HEATR1: variants seen among roughly 807,000 people sequenced by gnomAD.
The protein encoded by HEATR1 is HEAT repeat-containing protein 1.
A neutral mutation model predicts 248.2 loss-of-function variants in HEATR1; 77 were observed. That is an observed-to-expected ratio of 0.31 (90% CI 0.26 to 0.37). The LOEUF is 0.37. Among genes scored for constraint, HEATR1 ranks in the 10% least tolerant of loss-of-function variants. HEATR1 has a pLI of 1.00. For synonymous variants in HEATR1, 897 were observed against 923.1 expected, an observed-to-expected ratio of 0.97 and a Z score of 0.51; for missense variants, 2,420 against 2,504.9, an observed-to-expected ratio of 0.97 and a Z score of 0.72.
At chr1:236,574,363 T>A (rs1393562735) in intron 23 of HEATR1, 30 bp from the exon 24 acceptor site, 1 of 1,586,876 alleles carries the variant, frequency 6.3e-7, no homozygotes, top group Non-Finnish European at 8.5e-7. Context: ...GGCAACTGAG[T>A]TCAGTGAACA....
chr1:236,593,424 C>CCA (rs1664092960), intron 9 of HEATR1, among the ~76,000 whole-genome samples: 1 of 151,890 alleles, frequency 6.6e-6, no homozygotes, highest in Non-Finnish European at 1.5e-5. Flanking sequence ...ATGATGCACA[C>CCA]CAACACACAG....
At chr1:236,572,893 G>T (rs1376227824) in intron 24 of HEATR1, 65 bp from the exon 25 acceptor site, 4 of 1,368,444 alleles carry the variant, frequency 2.9e-6, no homozygotes, top group Non-Finnish European at 4.2e-6. Context: ...AGCAATAAAT[G>T]TTAACCCCTA....
intron 8 of HEATR1, 148 bp from the exon 9 acceptor site, chr1:236,594,262 CTTAT>C (rs552388953): frequency 3.6e-4 from 194 of 537,456 alleles, no homozygotes; most frequent in African/African-American, 2.3e-3. Context: ...GTGCATTCCA[CTTAT>C]TTAGTCATTT....
chr1:236,557,221 G>A lies in HEATR1; in HGVS notation c.5329C>T (p.Pro1777Ser). Residue 1777 changes from proline to serine, a missense_variant, in exon 37 of 45, where the codon CCC (proline) becomes TCC (serine). Transcript: ENST00000366582. ...TGGGAGAGAATGCCTTCCAGATAGG[G>A]GCTGATGAAGTGCGGGAGAGTCTCC... The part of the protein sequence containing the change: ...VVETLPHFIS[P>S]YLEGILSQVI... 1 of 1,614,108 alleles carries A rather than the reference G, an allele frequency of 6.2e-7. No homozygotes were observed. The highest frequency in any genetic ancestry group is 1.1e-5 in the South Asian group (1 of 91,068).
Position 236,553,673 on chromosome 1 carries a change from T to C in HEATR1, c.6145A>G (p.Ile2049Val). 8 of 1,614,050 alleles carry C rather than the reference T, an allele frequency of 5.0e-6. No individual in the cohort carries two copies. Among genetic ancestry groups the C allele is most frequent in the South Asian group, 1.1e-5 (1 of 91,034 alleles). Residue 2049 changes from isoleucine (I) to valine (V), a missense_variant, in exon 43 of 45, where the codon ATC (isoleucine) becomes GTC (valine). Ile to Val is a conservative substitution (Grantham distance 29). Transcript: ENST00000366582. ...ERVTKHLIPC[I>V]AQFSVAMADD... Reference sequence around the variant, plus strand: ...GCCATGGCCACCGAAAACTGTGCGATGCATGGTATCAGGTGCTTTGTCACC... The same window carrying C: ...GCCATGGCCACCGAAAACTGTGCGACGCATGGTATCAGGTGCTTTGTCACC...
rs548612594 is a variant in HEATR1 at position 236,580,437 on chromosome 1, T to C, written c.2755+785A>G. Among the ~76,000 whole-genome samples, 3 of 152,302 alleles carry C rather than the reference T, an allele frequency of 2.0e-5. No homozygotes were observed. The East Asian group carries it at 5.8e-4, about 29-fold the overall frequency. ...CCTGCCATTTCTATTATTAAACTTT[T>C]GTGTTTGGTGAGATTTTGCTAGTGC... On this transcript the variant is annotated intron_variant, in intron 20 of 44. Transcript: ENST00000366582.
intron 30 of HEATR1, 69 bp downstream of exon 30, chr1:236,566,577 A>G: frequency 1.7e-6 from 2 of 1,149,188 alleles, no homozygotes; most frequent in Non-Finnish European, 2.6e-6. Context: ...CCATGTTTAA[A>G]CTGGACAATA....
At chr1:236,556,303 G>A (rs757560159) in intron 37 of HEATR1, 45 bp from the exon 38 acceptor site, 12 of 1,592,748 alleles carry the variant, frequency 7.5e-6, no homozygotes, top group Admixed American at 1.7e-5. Flanking sequence ...GCAGATCTTC[G>A]CTGACAAACA....
In HEATR1 at chr1:236,552,122, A is replaced by T; in HGVS notation, c.6238-15T>A. ...GCAAATCGAACCTGAAAGGGATAAAAGAGCAAAGAAATAAAAAGTAGTGTT... is the reference window on the plus strand; with the variant it reads ...GCAAATCGAACCTGAAAGGGATAAATGAGCAAAGAAATAAAAAGTAGTGTT... On this transcript the variant is annotated splice_polypyrimidine_tract_variant and intron_variant, in intron 43 of 44. Transcript: ENST00000366582. The T allele has an allele frequency of 6.5e-7, 1 of 1,528,416 alleles. No homozygotes were observed. The allele number at this position is 1,528,416 out of a possible 1,614,324, so 94.7% of individuals were successfully genotyped here.
chr1:236,573,676 T>C (rs1663490281), intron 24 of HEATR1, among the ~76,000 whole-genome samples: 1 of 152,118 alleles, frequency 6.6e-6, no homozygotes, highest in South Asian at 2.1e-4. Flanking sequence ...GGAAAAAAGA[T>C]TAATATGTTA....
rs533309261 is a variant in HEATR1, at chr1:236,556,705, C to T, written c.5356-447G>A. ...CCTAACCTTGTAAATGGCAAATGATCAACACAATGGAACAGCCAGGTCTCA... is the reference window on the plus strand; with the variant it reads ...CCTAACCTTGTAAATGGCAAATGATTAACACAATGGAACAGCCAGGTCTCA... On this transcript the variant is annotated intron_variant, in intron 37 of 44. Transcript: ENST00000366582. 2.6e-5 allele frequency among the ~76,000 whole-genome samples: 4 copies of T among 152,282 alleles called. No individual in the cohort carries two copies. The South Asian group carries it at 8.3e-4, about 32-fold the overall frequency.
intron 24 of HEATR1, among the ~76,000 whole-genome samples, chr1:236,573,619 A>G (rs1233913893): frequency 6.6e-6 from 1 of 152,168 alleles, no homozygotes; most frequent in Non-Finnish European, 1.5e-5. Flanking sequence ...ATGAAAGTGC[A>G]TGACATTATG....
At chr1:236,583,334 G>C (rs1663803895) in intron 17 of HEATR1, 138 bp from the exon 18 acceptor site, 1 of 655,010 alleles carries the variant, frequency 1.5e-6, no homozygotes, top group African/African-American at 1.8e-5. Context: ...AACTGCTTTG[G>C]TCGGATTTTT....
chr1:236,560,169 G>T (rs934616985), intron 33 of HEATR1, among the ~76,000 whole-genome samples: 2 of 152,078 alleles, frequency 1.3e-5, no homozygotes, highest in African/African-American at 4.8e-5. Context: ...CAAGTGGGGT[G>T]TTCAGGGAGT....
intron 44 of HEATR1, chr1:236,551,683 T>C (rs1291389772): frequency 4.5e-6 from 1 of 221,082 alleles, no homozygotes; most frequent in African/African-American, 2.3e-5. Context: ...TATAAATGTA[T>C]GAGGTTAATT....
Position 236,582,742 on chromosome 1 carries a change from G to A in HEATR1, c.2556C>T (p.Phe852=). The change falls in exon 19 of 45, where the codon TTC becomes TTT. Residue 852 remains phenylalanine (F), a synonymous_variant. Transcript: ENST00000366582. ...AAAAGGAGGAGGCTTGTACCTTTAT[G>A]AAAAGTTTCATCAGAACTCTGAAAT... ...AVHFRVLMKL[F]IKVHLEDVFQ... 1.2e-6 allele frequency: 2 copies of A among 1,614,084 alleles called. No individual in the cohort carries two copies. The highest frequency in any genetic ancestry group is 1.7e-6 in the Non-Finnish European group (2 of 1,179,982).
In HEATR1 at chr1:236,603,316, G is replaced by A. The variant is rs199653340; in HGVS notation, c.203C>T (p.Pro68Leu). The change falls in exon 3 of 45, where the codon CCG (proline) becomes CTG (leucine). Residue 68 changes from proline to leucine, a missense_variant. Physicochemically the swap from Pro to Leu is moderately conservative, Grantham distance 98. Transcript: ENST00000366582. ...IDPSFEQFEA[P>L]LFSQLAKTLE... Reference sequence around the variant, plus strand: ...GGTTTTTGCTAGCTGACTGAACAACGGTGCTTCAAACTGCTCAAAGGAAGG... The same window carrying A: ...GGTTTTTGCTAGCTGACTGAACAACAGTGCTTCAAACTGCTCAAAGGAAGG... 60 of 1,614,060 alleles carry A rather than the reference G, an allele frequency of 3.7e-5. No homozygotes were observed. Among genetic ancestry groups the A allele is most frequent in the Non-Finnish European group, 5.0e-5 (59 of 1,179,994 alleles).
At chr1:236,595,762 C>T (rs762208510) in intron 7 of HEATR1, 71 bp downstream of exon 7, 290 of 1,446,206 alleles carry the variant, frequency 2.0e-4, no homozygotes, top group Non-Finnish European at 2.6e-4. Context: ...ACTTATCTTA[C>T]AAAAAAAAAT....
At chr1:236,584,513 TA>T (rs960669827) in intron 17 of HEATR1, among the ~76,000 whole-genome samples, 15 of 151,404 alleles carry the variant, frequency 9.9e-5, no homozygotes, top group African/African-American at 2.9e-4. Context: ...TAGCAGATAT[TA>T]AAAAAAAAGT....
Sources: gnomAD v4.1 joint callset for allele counts (sites outside exome capture counted in the v4.1 genomes callset) on GRCh38, gnomAD v4.1.1 for gene constraint, MANE v1.5 for transcripts, NCBI Gene and HGNC (gene_info 2026-07-23, HGNC 2026-07-21) for gene names.